SORL1: variants seen among roughly 807,000 people sequenced by gnomAD.
The protein encoded by SORL1 is sortilin related receptor 1.
Under a neutral mutation model 273.7 loss-of-function variants are expected in SORL1, and 127 were observed. The ratio of observed to expected loss-of-function variants is 0.46; its 90% confidence interval spans 0.40 to 0.54. The LOEUF is 0.54. SORL1 is among the 20% of genes least tolerant of loss of function. The pLI is 0.00. For synonymous variants in SORL1, 1,031 were observed against 1,067.4 expected (o/e 0.97, Z 0.66); for missense variants, 2,494 against 2,846.1 (o/e 0.88, Z 2.81).
rs115081576 is a variant in SORL1, at chr11:121,462,663, C to T, written c.286-7344C>T. Among the ~76,000 whole-genome samples the T allele has an allele frequency of 5.2e-3, 786 of 152,262 alleles. 8 individuals carry two copies. Among genetic ancestry groups the T allele is most frequent in the African/African-American group, 0.018 (747 of 41,544 alleles). ...GCAGTGGCATGATCATAGCTCACTG[C>T]GGCCTCGATCTCTTGGGCACAAGCG... On this transcript the variant is annotated intron_variant, in intron 1 of 47. Coordinates refer to ENST00000260197, the MANE Select transcript of SORL1 (RefSeq NM_003105.6).
In SORL1 at chr11:121,520,774, C is replaced by T; in HGVS notation, c.1329C>T (p.Thr443=). 1 of 1,612,922 alleles carries T rather than the reference C, an allele frequency of 6.2e-7. No individual in the cohort carries two copies. Among genetic ancestry groups the T allele is most frequent in the Non-Finnish European group, 8.5e-7 (1 of 1,179,492 alleles). ...AGGAGAACATGAGATCGGTCATCAC[C>T]TTTGACAAAGGGGGAACCTGGGAGT... ...MNEENMRSVI[T]FDKGGTWEFL... is the part of the protein sequence containing the mutation. The change falls in exon 9 of 48, where the codon ACC becomes ACT. Residue 443 remains threonine, a synonymous_variant. Coordinates refer to ENST00000260197, the MANE Select transcript of SORL1 (RefSeq NM_003105.6).
rs1316570053 is a variant in SORL1 at position 121,576,703 on chromosome 11, C to G, written c.3461-578C>G. The G allele has an allele frequency of 2.1e-6, 3 of 1,410,178 alleles. No homozygotes were observed. In the East Asian group the frequency reaches 7.5e-5, roughly 35 times the overall value. 87.4% of individuals were successfully genotyped at this position (1,410,178 alleles called of 1,614,324 possible). A position where few individuals can be genotyped will look rare whatever the true frequency, so the allele number is the denominator to read the frequency against. On this transcript the variant is annotated intron_variant, in intron 24 of 47. Coordinates refer to ENST00000260197, the MANE Select transcript of SORL1 (RefSeq NM_003105.6). ...GTCAAGCTCTGCTGGTTGGTTCTTA[C>G]CAGGCCCCCACCCTTCTAGAGACAG... is the stretch of plus-strand genomic sequence containing the variant.
intron 20 of SORL1, 91 bp downstream of exon 20, chr11:121,558,928 G>A: frequency 6.6e-7 from 1 of 1,506,568 alleles, no homozygotes; most frequent in South Asian, 1.2e-5. Flanking sequence ...TTGCAGAGAA[G>A]CTGTTTAACT....
At position 121,614,968 on chromosome 11, in the gene SORL1, A is replaced by T. The variant is rs1208683520; in HGVS notation, c.5517A>T (p.Arg1839Ser). Residue 1839 changes from arginine (R) to serine (S), a missense_variant, in exon 41 of 48, where the codon AGA becomes AGT. By Grantham distance (110) the Arg-to-Ser change is moderately radical (BLOSUM62 -1). Transcript: ENST00000260197. ...SPLAFEHVMT[R>S]GVRPPAPSLK... Reference sequence around the variant, plus strand: ...TGGCATTTGAGCATGTTATGACCAGAGGGGTTCGCCCACCTGCACCTAGCC... The same window carrying T: ...TGGCATTTGAGCATGTTATGACCAGTGGGGTTCGCCCACCTGCACCTAGCC... 1.9e-6 allele frequency: 3 copies of T among 1,613,856 alleles called. No individual in the cohort carries two copies. The Admixed American group carries it at 5.0e-5, about 27-fold the overall frequency.
At chr11:121,558,513 G>A (rs1282960831) in intron 19 of SORL1, 78 bp from the exon 20 acceptor site, 3 of 1,514,780 alleles carry the variant, frequency 2.0e-6, no homozygotes, top group African/African-American at 2.7e-5. Flanking sequence ...AGGAGTTTCT[G>A]ACCTTTTCTG....
Position 121,617,078 on chromosome 11 carries a change from G to A in SORL1, c.5605-1696G>A, listed in dbSNP as rs531867963. On this transcript the variant is annotated intron_variant, in intron 41 of 47. Coordinates refer to ENST00000260197, the MANE Select transcript of SORL1 (RefSeq NM_003105.6). ...GACGGAAAGGAGATGTTCAGGTTAA[G>A]ATAAAAGATTGTGGAGACCAAGGTT... Among the ~76,000 whole-genome samples, 9 of 152,340 alleles carry A rather than the reference G, an allele frequency of 5.9e-5. No individual in the cohort carries two copies. The South Asian group carries it at 1.9e-3, about 32-fold the overall frequency.
At chr11:121,477,884 T>C (rs1270284748) in intron 2 of SORL1, among the ~76,000 whole-genome samples, 2 of 151,938 alleles carry the variant, frequency 1.3e-5, no homozygotes, top group Non-Finnish European at 2.9e-5. Context: ...AAAAAAAAAT[T>C]AGCTGGGCGT....
intron 6 of SORL1, among the ~76,000 whole-genome samples, chr11:121,509,100 A>G (rs1354262209): frequency 6.6e-6 from 1 of 150,472 alleles, no homozygotes; most frequent in East Asian, 1.9e-4. Flanking sequence ...GATTTTAGCT[A>G]TGTTTCATTT....
At chr11:121,547,497 G>T (rs1240539111) in intron 14 of SORL1, among the ~76,000 whole-genome samples, 1 of 140,054 alleles carries the variant, frequency 7.1e-6, no homozygotes, top group Non-Finnish European at 1.5e-5. Context: ...TGGGTAAACT[G>T]GCCTGGGACC....
Position 121,625,184 on chromosome 11 carries a change from C to CATA in SORL1, c.6274_6276dup (p.Asn2092dup), listed in dbSNP as rs1315559084. ...TAAAATTTCCAACCTGAAGATGGGT[C>CATA]ATAATTACACGTTCACCGTCCAAGC... is the stretch of plus-strand genomic sequence containing the variant. On this transcript the variant is annotated inframe_insertion, in exon 46 of 48. Transcript: ENST00000260197. 1 of 1,613,708 alleles carries CATA rather than the reference C, an allele frequency of 6.2e-7. No individual in the cohort carries two copies. Among genetic ancestry groups the CATA allele is most frequent in the Non-Finnish European group, 8.5e-7 (1 of 1,179,788 alleles).
rs564952008 is a variant in SORL1 at position 121,512,332 on chromosome 11, A to G, written c.940-671A>G. Among the ~76,000 whole-genome samples, 4 of 152,338 alleles carry G rather than the reference A, an allele frequency of 2.6e-5. No homozygotes were observed. The South Asian group carries it at 8.3e-4, about 32-fold the overall frequency. On this transcript the variant is annotated intron_variant, in intron 6 of 47. Coordinates refer to ENST00000260197, the MANE Select transcript of SORL1 (RefSeq NM_003105.6). ...AGTTGGTAGAGCTAGCTCTTAATCTATGCTTTTATACACATTTCCAAGATT... is the reference window on the plus strand; with the variant it reads ...AGTTGGTAGAGCTAGCTCTTAATCTGTGCTTTTATACACATTTCCAAGATT...
chr11:121,545,222 G>T, intron 13 of SORL1, 21 bp from the exon 14 acceptor site: 1 of 1,613,456 alleles, frequency 6.2e-7, no homozygotes, highest in South Asian at 1.1e-5. Flanking sequence ...AATGCTTCGT[G>T]CTGTGTTCCT....
chr11:121,479,303 T>G (rs1861336942), intron 3 of SORL1, among the ~76,000 whole-genome samples: 1 of 152,168 alleles, frequency 6.6e-6, no homozygotes, highest in Admixed American at 6.5e-5. Context: ...ATTTCGTTGC[T>G]TTCTTCCCCA....
chr11:121,514,699 A>G (rs1861925844), intron 8 of SORL1, among the ~76,000 whole-genome samples: 1 of 152,222 alleles, frequency 6.6e-6, no homozygotes, highest in South Asian at 2.1e-4. Flanking sequence ...GAGAGCTGGC[A>G]TATGCGGCCA....
At chr11:121,625,051 G>A (rs12222481) in intron 45 of SORL1, 34 bp from the exon 46 acceptor site, 17 of 1,506,786 alleles carry the variant, frequency 1.1e-5, no homozygotes, top group African/African-American at 5.5e-5. Context: ...TTCCATATTC[G>A]ACTTCCTGAG....
chr11:121,514,548 C>T (rs1247216550), intron 8 of SORL1, among the ~76,000 whole-genome samples: 1 of 151,332 alleles, frequency 6.6e-6, no homozygotes, highest in South Asian at 2.1e-4. Context: ...TACGTGCAGC[C>T]AAGTCTGAGA....
intron 29 of SORL1, 108 bp downstream of exon 29, chr11:121,589,498 T>A: frequency 7.2e-7 from 1 of 1,379,646 alleles, no homozygotes; most frequent in Non-Finnish European, 1.0e-6. Context: ...GGCCTTCCCG[T>A]AACTCAGCAG....
chr11:121,560,171 C>T (rs185252198), intron 21 of SORL1, among the ~76,000 whole-genome samples: 78 of 152,288 alleles, frequency 5.1e-4, no homozygotes, highest in African/African-American at 1.8e-3. Flanking sequence ...ACCCTAAACC[C>T]CATGAAGAAA....
chr11:121,510,809 A>T (rs1861866432), intron 6 of SORL1, among the ~76,000 whole-genome samples: 1 of 152,178 alleles, frequency 6.6e-6, no homozygotes, highest in South Asian at 2.1e-4. Flanking sequence ...TTCTGAAAGG[A>T]TGCACAAGAG....
Sources: allele counts gnomAD v4.1 joint callset (sites outside exome capture counted in the v4.1 genomes callset), GRCh38; gene constraint gnomAD v4.1.1; transcripts MANE v1.5; gene names NCBI Gene and HGNC (gene_info 2026-07-23, HGNC 2026-07-21).